INPP4B: variants seen among roughly 807,000 people sequenced by gnomAD.
The protein encoded by INPP4B is inositol polyphosphate-4-phosphatase type II B.
INPP4B carries 55 observed loss-of-function variants against 122.5 expected under a neutral mutation model. The ratio of observed to expected loss-of-function variants is 0.45; its 90% CI spans 0.36 to 0.56. The LOEUF is 0.56. Among genes scored for constraint, INPP4B ranks in the 20% least tolerant of loss-of-function variants. The pLI is 0.00. For missense variants in INPP4B, 1,000 were observed against 1,097.7 expected, an observed-to-expected ratio of 0.91 and a Z score of 1.26; for synonymous variants, 403 against 388.7, an observed-to-expected ratio of 1.04 and a Z score of -0.43.
intron 2 of INPP4B, among the ~76,000 whole-genome samples, chr4:142,646,800 G>A (rs144366381): frequency 2.6e-4 from 40 of 152,310 alleles, no homozygotes; most frequent in African/African-American, 9.6e-4. Flanking sequence ...AGGACAGAGT[G>A]CTCCAGGAAG....
At chr4:142,683,569 T>A (rs1580701424) in intron 2 of INPP4B, among the ~76,000 whole-genome samples, 1 of 151,356 alleles carries the variant, frequency 6.6e-6, no homozygotes, top group Admixed American at 6.6e-5. Context: ...AGTCATTGAG[T>A]TGTCTCCCAT....
chr4:142,716,387 C>A (rs950886393), intron 2 of INPP4B, among the ~76,000 whole-genome samples: 3 of 152,148 alleles, frequency 2.0e-5, no homozygotes, highest in Non-Finnish European at 2.9e-5. Context: ...ATGATACTAT[C>A]GCATCTTTCT....
chr4:142,519,864 A>G (rs1364918), intron 2 of INPP4B, among the ~76,000 whole-genome samples: 26,828 of 152,028 alleles, frequency 0.18, 2,585 homozygotes, highest in East Asian at 0.39. Context: ...ACGACAAAGC[A>G]GATGAAAGAT....
chr4:142,241,854 G>A (rs75134838), intron 11 of INPP4B, among the ~76,000 whole-genome samples: 3,754 of 152,206 alleles, frequency 0.025, 75 homozygotes, highest in Non-Finnish European at 0.037. Flanking sequence ...CCAGGTTATC[G>A]TTTATATGTT....
intron 2 of INPP4B, among the ~76,000 whole-genome samples, chr4:142,682,518 TTATTA>T (rs1758774568): frequency 6.6e-6 from 1 of 152,008 alleles, no homozygotes; most frequent in East Asian, 1.9e-4. Flanking sequence ...GATAAAATAA[TTATTA>T]TATTGTGTTT....
intron 16 of INPP4B, among the ~76,000 whole-genome samples, chr4:142,163,951 CAATT>C (rs1214269851): frequency 2.6e-5 from 4 of 151,636 alleles, no homozygotes; most frequent in African/African-American, 4.8e-5. Flanking sequence ...GTAGGGCAAA[CAATT>C]TATTTAAAAT....
intron 3 of INPP4B, among the ~76,000 whole-genome samples, chr4:142,447,727 A>G (rs117736225): frequency 1.3e-5 from 2 of 152,262 alleles, no homozygotes; most frequent in East Asian, 3.9e-4. Context: ...AGGAGTGAAG[A>G]TATGTATAGC....
intron 7 of INPP4B, among the ~76,000 whole-genome samples, chr4:142,325,448 C>T (rs1164653209): frequency 6.6e-6 from 1 of 152,150 alleles, no homozygotes; most frequent in Admixed American, 6.5e-5. Flanking sequence ...AACACAATCC[C>T]AATTAACCAA....
At chr4:142,128,261 C>T (rs1207054389) in intron 18 of INPP4B, among the ~76,000 whole-genome samples, 1 of 151,706 alleles carries the variant, frequency 6.6e-6, no homozygotes. Context: ...TGCACACACA[C>T]ATACACACAA....
chr4:142,337,722 T>C, intron 7 of INPP4B, among the ~76,000 whole-genome samples: 1 of 101,188 alleles, frequency 9.9e-6, no homozygotes, highest in South Asian at 3.4e-4. Flanking sequence ...ATATAATATA[T>C]ATTTTATATA....
intron 7 of INPP4B, among the ~76,000 whole-genome samples, chr4:142,341,831 G>T (rs997872231): frequency 6.6e-6 from 1 of 152,150 alleles, no homozygotes; most frequent in East Asian, 1.9e-4. Flanking sequence ...CGAGTCAAAA[G>T]CTAGCAGAAA....
At chr4:142,501,234 C>T (rs997015452) in intron 2 of INPP4B, among the ~76,000 whole-genome samples, 37 of 152,130 alleles carry the variant, frequency 2.4e-4, no homozygotes, top group Admixed American at 2.0e-4. Context: ...CCTACAAATA[C>T]GGAAGCCAGC....
chr4:142,342,717 T>A (rs1396450883), intron 7 of INPP4B, among the ~76,000 whole-genome samples: 1 of 152,148 alleles, frequency 6.6e-6, no homozygotes, highest in Non-Finnish European at 1.5e-5. Context: ...ATAGACTTCA[T>A]AAATTTTGTA....
At chr4:142,286,074 TG>T (rs1380228108) in intron 9 of INPP4B, among the ~76,000 whole-genome samples, 1 of 152,192 alleles carries the variant, frequency 6.6e-6, no homozygotes, top group Non-Finnish European at 1.5e-5. Flanking sequence ...GGACTTTTTT[TG>T]TTAAAAGGAG....
chr4:142,713,859 C>G (rs1221310152), intron 2 of INPP4B, among the ~76,000 whole-genome samples: 2 of 152,086 alleles, frequency 1.3e-5, no homozygotes, highest in African/African-American at 2.4e-5. Context: ...AAAGTGTTAC[C>G]CTTTCCCTGG....
intron 11 of INPP4B, among the ~76,000 whole-genome samples, chr4:142,252,099 A>T (rs1046891563): frequency 6.6e-6 from 1 of 152,112 alleles, no homozygotes; most frequent in East Asian, 1.9e-4. Context: ...ATGGATAATG[A>T]TAGTACCTTC....
At chr4:142,706,837 C>T (rs1762534823) in intron 2 of INPP4B, among the ~76,000 whole-genome samples, 1 of 152,342 alleles carries the variant, frequency 6.6e-6, no homozygotes, top group East Asian at 1.9e-4. Context: ...TATTGCTCAA[C>T]TCCAGTGAAT....
intron 25 of INPP4B, among the ~76,000 whole-genome samples, chr4:142,038,792 T>C (rs1745525600): frequency 6.6e-6 from 1 of 152,154 alleles, no homozygotes; most frequent in South Asian, 2.1e-4. Flanking sequence ...GGAGCGCAAG[T>C]GTGTGAAGTA....
chr4:142,740,370 C>G (rs538566071), intron 1 of INPP4B, among the ~76,000 whole-genome samples: 43 of 152,144 alleles, frequency 2.8e-4, no homozygotes, highest in Admixed American at 6.6e-4. Flanking sequence ...AATATAGACA[C>G]TAGTAATTCT....
Sources: allele counts gnomAD v4.1 joint callset (sites outside exome capture counted in the v4.1 genomes callset), GRCh38; gene constraint gnomAD v4.1.1; transcripts MANE v1.5; gene names NCBI Gene and HGNC (gene_info 2026-07-23, HGNC 2026-07-21).